The following CEMIP variants were observed in gnomAD, a reference collection of about 807,000 sequenced individuals.
CEMIP encodes cell migration-inducing and hyaluronan-binding protein.
CEMIP carries 105 observed loss-of-function variants against 156.9 expected under a neutral mutation model. The ratio of observed to expected loss-of-function variants is 0.67; its 90% CI spans 0.57 to 0.79. The LOEUF (loss-of-function observed/expected upper bound fraction) is 0.79. CEMIP is among the 30% of genes least tolerant of loss of function. The pLI is 0.00. For synonymous variants in CEMIP, 676 were observed against 668.4 expected, an observed-to-expected ratio of 1.01 and a Z score of -0.17; for missense variants, 1,457 against 1,769.4, an observed-to-expected ratio of 0.82 and a Z score of 3.17.
intron 19 of CEMIP, 93 bp downstream of exon 19, chr15:80,925,848 G>C (rs1376584179): frequency 1.3e-6 from 2 of 1,512,388 alleles, no homozygotes; most frequent in Non-Finnish European, 1.8e-6. Flanking sequence ...AGCAGAGAGG[G>C]GAAGCCAGAC....
At chr15:80,839,223 T>A (rs752757841) in intron 1 of CEMIP, among the ~76,000 whole-genome samples, 8 of 151,310 alleles carry the variant, frequency 5.3e-5, no homozygotes, top group Non-Finnish European at 1.0e-4. Context: ...TCGCATTCCA[T>A]AGCACAGGAA....
chr15:80,921,372 C>A (rs1238172548), intron 16 of CEMIP, among the ~76,000 whole-genome samples: 1 of 152,194 alleles, frequency 6.6e-6, no homozygotes, highest in Non-Finnish European at 1.5e-5. Flanking sequence ...TATAATAAAT[C>A]ATTAGAATGC....
At chr15:80,894,759 G>C (rs527847801) in intron 10 of CEMIP, among the ~76,000 whole-genome samples, 1 of 152,272 alleles carries the variant, frequency 6.6e-6, no homozygotes, top group Admixed American at 6.5e-5. Context: ...TCGATACTGA[G>C]TACTGTAGGA....
chr15:80,879,627 G>A (rs1192979695), intron 4 of CEMIP, 89 bp from the exon 5 acceptor site: 7 of 1,486,970 alleles, frequency 4.7e-6, no homozygotes, highest in Non-Finnish European at 6.6e-6. Context: ...GGTGAGATGG[G>A]GAGTGCTTAG....
intron 3 of CEMIP, among the ~76,000 whole-genome samples, chr15:80,875,495 T>C (rs115328540): frequency 0.01 from 1,537 of 152,288 alleles, 25 homozygotes; most frequent in African/African-American, 0.034. Context: ...ATCCTAAAAG[T>C]GATCCACCTT....
intron 1 of CEMIP, among the ~76,000 whole-genome samples, chr15:80,812,351 C>G (rs1896692103): frequency 6.6e-6 from 1 of 152,156 alleles, no homozygotes; most frequent in South Asian, 2.1e-4. Flanking sequence ...TAGGTCATTT[C>G]CATAGACTCC....
At chr15:80,879,929 G>A (rs1175616376) in intron 5 of CEMIP, 75 bp downstream of exon 5, 1 of 1,563,778 alleles carries the variant, frequency 6.4e-7, no homozygotes, top group Non-Finnish European at 8.8e-7. Flanking sequence ...GACAGAGAGA[G>A]AGGCAAGAGG....
chr15:80,874,550 C>T (rs1036512466), intron 3 of CEMIP, among the ~76,000 whole-genome samples: 2 of 152,136 alleles, frequency 1.3e-5, no homozygotes, highest in Non-Finnish European at 2.9e-5. Flanking sequence ...TCTCAATGCT[C>T]CCTTCCTGCT....
intron 5 of CEMIP, 96 bp downstream of exon 5, chr15:80,879,950 C>A: frequency 7.2e-7 from 1 of 1,395,980 alleles, no homozygotes; most frequent in Non-Finnish European, 1.0e-6. Flanking sequence ...GCAAGCTTGC[C>A]TGTAAGATAG....
In CEMIP at chr15:80,949,657, G is replaced by A. The variant is rs981781570; in HGVS notation, c.*733G>A. ...TGATGCTGGGTGCCCCAGCGCACAC[G>A]GGATGGAGAGGTGAGAACTAATGCC... On this transcript the variant is annotated 3_prime_UTR_variant, in exon 30 of 30. Coordinates refer to ENST00000394685, the MANE Select transcript of CEMIP (RefSeq NM_001293298.2). 4 of 157,272 alleles carry A rather than the reference G, an allele frequency of 2.5e-5. No individual in the cohort carries two copies. Among genetic ancestry groups the A allele is most frequent in the Admixed American group, 6.0e-5 (1 of 16,558 alleles). 9.7% of individuals were successfully genotyped at this position (157,272 alleles called of 1,614,324 possible). A position where few individuals can be genotyped will look rare whatever the true frequency, so the allele number is the denominator to read the frequency against.
At position 80,920,915 on chromosome 15, in the gene CEMIP, A is replaced by G. The variant is rs1253951272; in HGVS notation, c.2004-117A>G. On this transcript the variant is annotated intron_variant, in intron 15 of 29. Transcript: ENST00000394685. The stretch of plus-strand genomic sequence containing the variant: ...GATCAACAAGTCAATGATTTCTCAG[A>G]TCTCTGATAAGAGACTATCAGGCCA... 4 of 781,280 alleles carry G rather than the reference A, an allele frequency of 5.1e-6. No individual in the cohort carries two copies. In the African/African-American group the frequency reaches 6.9e-5, roughly 13 times the overall value. The allele number at this position is 781,280 out of a possible 1,614,324, so 48.4% of individuals were successfully genotyped here.
At chr15:80,876,143 T>C (rs541138834) in intron 3 of CEMIP, among the ~76,000 whole-genome samples, 5 of 152,234 alleles carry the variant, frequency 3.3e-5, no homozygotes, top group Non-Finnish European at 7.4e-5. Flanking sequence ...GGATCCTCAG[T>C]TGGCCATATA....
intron 14 of CEMIP, among the ~76,000 whole-genome samples, chr15:80,911,770 A>G (rs561810597): frequency 6.6e-6 from 1 of 152,372 alleles, no homozygotes; most frequent in African/African-American, 2.4e-5. Context: ...CCCAGGTCTT[A>G]GCTGCAGCAA....
chr15:80,880,793 G>A (rs932367898), intron 5 of CEMIP, 107 bp from the exon 6 acceptor site: 40 of 874,710 alleles, frequency 4.6e-5, no homozygotes, highest in African/African-American at 2.3e-4. Flanking sequence ...TATGGTGGCC[G>A]TGGTGGGGGG....
chr15:80,854,899 C>T (rs1043549869), intron 1 of CEMIP, among the ~76,000 whole-genome samples: 1 of 152,202 alleles, frequency 6.6e-6, no homozygotes, highest in African/African-American at 2.4e-5. Flanking sequence ...GTGGCACATG[C>T]AGGGGTCAAA....
chr15:80,857,245 CT>C (rs1897874402), intron 1 of CEMIP, among the ~76,000 whole-genome samples: 2 of 152,244 alleles, frequency 1.3e-5, no homozygotes, highest in African/African-American at 4.8e-5. Context: ...ACTCTCTGAA[CT>C]GCTGCCAGGC....
At chr15:80,933,536 T>C (rs1901007025) in intron 23 of CEMIP, 76 bp downstream of exon 23, 4 of 1,142,692 alleles carry the variant, frequency 3.5e-6, no homozygotes, top group Non-Finnish European at 5.1e-6. Context: ...GTCTACTCTA[T>C]GCCTGGCTCT....
intron 1 of CEMIP, among the ~76,000 whole-genome samples, chr15:80,868,790 G>A (rs568468622): frequency 2.6e-5 from 4 of 152,122 alleles, no homozygotes; most frequent in South Asian, 2.1e-4. Context: ...TAGTAAATTC[G>A]TCAATATATG....
intron 1 of CEMIP, among the ~76,000 whole-genome samples, chr15:80,834,144 G>T (rs28770306): frequency 6.6e-6 from 1 of 152,074 alleles, no homozygotes; most frequent in African/African-American, 2.4e-5. Flanking sequence ...GTCCTGAGGG[G>T]GTTGGAAAAA....
Sources: gnomAD v4.1 joint callset for allele counts (sites outside exome capture counted in the v4.1 genomes callset) on GRCh38, gnomAD v4.1.1 for gene constraint, MANE v1.5 for transcripts, NCBI Gene and HGNC (gene_info 2026-07-23, HGNC 2026-07-21) for gene names.